Variants in SBF2 observed in about 807,000 individuals in gnomAD.
The protein encoded by SBF2 is myotubularin-related protein 13.
SBF2 carries 112 observed loss-of-function variants against 225.2 expected under a neutral mutation model. The observed-to-expected ratio is 0.50, with a 90% CI of 0.43 to 0.58. SBF2 has a LOEUF of 0.58. SBF2 is among the 20% of genes least tolerant of loss of function. SBF2 has a pLI of 0.00. For missense variants in SBF2, 1,996 were observed against 2,206.2 expected, an observed-to-expected ratio of 0.90 and a Z score of 1.91; for synonymous variants, 763 against 773.3, an observed-to-expected ratio of 0.99 and a Z score of 0.22.
chr11:10,184,242 T>C (rs1192340530), intron 2 of SBF2, among the ~76,000 whole-genome samples: 1 of 152,216 alleles, frequency 6.6e-6, no homozygotes, highest in African/African-American at 2.4e-5. Context: ...TTCTAGACTG[T>C]ACCATGGATC....
At chr11:10,005,774 T>G (rs1466716703) in intron 6 of SBF2, among the ~76,000 whole-genome samples, 1 of 152,162 alleles carries the variant, frequency 6.6e-6, no homozygotes, top group Non-Finnish European at 1.5e-5. Context: ...TGCCTCAACT[T>G]CTTTGGCTGG....
intron 34 of SBF2, among the ~76,000 whole-genome samples, chr11:9,790,115 C>T (rs1852648103): frequency 6.6e-6 from 1 of 152,206 alleles, no homozygotes; most frequent in Non-Finnish European, 1.5e-5. Context: ...GGGGCAGTTG[C>T]CCCGAGATAT....
chr11:10,180,157 A>G (rs939442651), intron 2 of SBF2, among the ~76,000 whole-genome samples: 1 of 152,050 alleles, frequency 6.6e-6, no homozygotes, highest in African/African-American at 2.4e-5. Flanking sequence ...TTACAGTGTT[A>G]TAAGTATTGC....
intron 1 of SBF2, among the ~76,000 whole-genome samples, chr11:10,254,010 GA>G (rs1354235046): frequency 1.3e-5 from 2 of 152,138 alleles, no homozygotes; most frequent in Non-Finnish European, 1.5e-5. Flanking sequence ...AGGATATAGA[GA>G]AAAGGGAACC....
At chr11:10,185,458 T>G (rs915348152) in intron 2 of SBF2, among the ~76,000 whole-genome samples, 3 of 152,308 alleles carry the variant, frequency 2.0e-5, no homozygotes, top group African/African-American at 7.2e-5. Flanking sequence ...TGTTTTGTTT[T>G]GGGGCTTTTT....
At chr11:9,793,576 G>C (rs983038588) in intron 33 of SBF2, among the ~76,000 whole-genome samples, 1 of 152,152 alleles carries the variant, frequency 6.6e-6, no homozygotes, top group African/African-American at 2.4e-5. Context: ...TTTTAGTAGA[G>C]ATGGGGTTTC....
intron 16 of SBF2, among the ~76,000 whole-genome samples, chr11:9,939,305 C>T (rs1393863796): frequency 6.6e-6 from 1 of 152,080 alleles, no homozygotes; most frequent in Non-Finnish European, 1.5e-5. Context: ...ACCACCTTGG[C>T]CAGGCTGGTG....
chr11:10,222,343 C>A (rs148236441), intron 1 of SBF2, among the ~76,000 whole-genome samples: 4 of 152,216 alleles, frequency 2.6e-5, no homozygotes, highest in Non-Finnish European at 5.9e-5. Flanking sequence ...TTGGAATCAG[C>A]ATAGATTTTC....
At chr11:9,790,838 C>A in intron 33 of SBF2, 155 bp from the exon 34 acceptor site, 1 of 587,008 alleles carries the variant, frequency 1.7e-6, no homozygotes. Flanking sequence ...AACTGCAAAG[C>A]TAAAGACCGG....
chr11:9,933,909 G>A (rs1320454088), intron 16 of SBF2, among the ~76,000 whole-genome samples: 1 of 151,992 alleles, frequency 6.6e-6, no homozygotes, highest in Non-Finnish European at 1.5e-5. Flanking sequence ...TTGATAGACT[G>A]CTAGCAAGAC....
intron 17 of SBF2, among the ~76,000 whole-genome samples, chr11:9,879,549 A>G (rs995676629): frequency 6.6e-6 from 1 of 152,208 alleles, no homozygotes; most frequent in Admixed American, 6.5e-5. Flanking sequence ...GACCTGGGCT[A>G]AGCTTGGTGA....
At chr11:9,930,124 G>A (rs527747829) in intron 16 of SBF2, among the ~76,000 whole-genome samples, 3 of 151,910 alleles carry the variant, frequency 2.0e-5, no homozygotes, top group Non-Finnish European at 4.4e-5. Flanking sequence ...TGCACATCCT[G>A]GACATGTACC....
chr11:9,958,234 G>C (rs968053536), intron 16 of SBF2: 1 of 152,116 alleles, frequency 6.6e-6, no homozygotes. Context: ...TCAGTGATAG[G>C]GAAAGAAAAG....
At chr11:10,151,777 T>G (rs1431579648) in intron 2 of SBF2, among the ~76,000 whole-genome samples, 2 of 152,172 alleles carry the variant, frequency 1.3e-5, no homozygotes, top group Non-Finnish European at 2.9e-5. Flanking sequence ...GCTTTGCAGG[T>G]AATTTTTGCC....
At chr11:9,976,486 A>G (rs894275354) in intron 13 of SBF2, among the ~76,000 whole-genome samples, 1 of 152,126 alleles carries the variant, frequency 6.6e-6, no homozygotes, top group Non-Finnish European at 1.5e-5. Flanking sequence ...AGTCCCAGCT[A>G]CTTGGGAGCG....
At chr11:9,784,523 C>T in intron 37 of SBF2, 85 bp from the exon 38 acceptor site, 3 of 1,062,780 alleles carry the variant, frequency 2.8e-6, no homozygotes, top group Non-Finnish European at 4.3e-6. Context: ...TTGTTTTTGT[C>T]AAGTCTCTAT....
intron 1 of SBF2, among the ~76,000 whole-genome samples, chr11:10,198,694 T>TA (rs1957466859): frequency 1.3e-5 from 2 of 152,262 alleles, no homozygotes; most frequent in Non-Finnish European, 2.9e-5. Flanking sequence ...ACTGTTACTG[T>TA]AGTGTGGCTG....
intron 1 of SBF2, among the ~76,000 whole-genome samples, chr11:10,263,754 T>C (rs1961672046): frequency 6.6e-6 from 1 of 152,166 alleles, no homozygotes; most frequent in Non-Finnish European, 1.5e-5. Flanking sequence ...GAAAACTTTA[T>C]CCTGGCTGAA....
At chr11:10,198,731 G>GCATAACTTGCAGCAGCTTCTA (rs1235184207) in intron 1 of SBF2, among the ~76,000 whole-genome samples, 1 of 152,196 alleles carries the variant, frequency 6.6e-6, no homozygotes, top group Non-Finnish European at 1.5e-5. Flanking sequence ...TAGATCTTCT[G>GCATAACTTGCAGCAGCTTCTA]CATAACTTGC....
Sources: gnomAD v4.1 joint callset for allele counts (sites outside exome capture counted in the v4.1 genomes callset) on GRCh38, gnomAD v4.1.1 for gene constraint, MANE v1.5 for transcripts, NCBI Gene and HGNC (gene_info 2026-07-23, HGNC 2026-07-21) for gene names.